MYOM2: variants seen among roughly 807,000 people sequenced by gnomAD.
The protein encoded by MYOM2 is myomesin-2.
Under a neutral mutation model 187.6 loss-of-function variants are expected in MYOM2, and 254 were observed. The observed-to-expected ratio is 1.35, with a 90% CI of 1.22 to 1.50. The LOEUF (loss-of-function observed/expected upper bound fraction) is 1.50, where lower values mean the gene tolerates loss of function less well. MYOM2 is among the 40% of genes most tolerant of loss of function. MYOM2 has a pLI of 0.00. For missense variants in MYOM2, 2,796 were observed against 1,924.0 expected, an observed-to-expected ratio of 1.45 and a Z score of -8.48; for synonymous variants, 981 against 753.8, an observed-to-expected ratio of 1.30 and a Z score of -4.94.
At chr8:2,098,715 C>T in intron 18 of MYOM2, 142 bp from the exon 19 acceptor site, 1 of 914,868 alleles carries the variant, frequency 1.1e-6, no homozygotes, top group Non-Finnish European at 1.6e-6. Flanking sequence ...CGAGGTCCTT[C>T]CTGAAATATT....
At chr8:2,120,689 A>ATTATAT in intron 28 of MYOM2, among the ~76,000 whole-genome samples, 2 of 42,416 alleles carry the variant, frequency 4.7e-5, no homozygotes, top group Non-Finnish European at 4.7e-5. Flanking sequence ...ATTATATATA[A>ATTATAT]ATATATAATA....
chr8:2,047,570 G>T (rs930067865), intron 1 of MYOM2, among the ~76,000 whole-genome samples: 2 of 152,198 alleles, frequency 1.3e-5, no homozygotes, highest in Admixed American at 1.3e-4. Context: ...GGCTTGGCTG[G>T]CACGTTGCAA....
chr8:2,120,612 T>G (rs984421471), intron 28 of MYOM2, among the ~76,000 whole-genome samples: 66 of 113,178 alleles, frequency 5.8e-4, no homozygotes, highest in African/African-American at 2.0e-3. Context: ...GTCTTACTAT[T>G]CTGACCATCC....
chr8:2,123,386 C>CCAG, intron 29 of MYOM2, 21 bp downstream of exon 29: 1 of 1,321,498 alleles, frequency 7.6e-7, no homozygotes, highest in Non-Finnish European at 1.0e-6. Context: ...TTGAGTAACA[C>CCAG]AAGAAAGCAA....
intron 25 of MYOM2, among the ~76,000 whole-genome samples, chr8:2,110,166 T>C (rs540495069): frequency 6.6e-6 from 1 of 152,190 alleles, no homozygotes; most frequent in Non-Finnish European, 1.5e-5. Flanking sequence ...CTACAAAAAC[T>C]TAAGAAATTA....
chr8:2,092,598 A>T, intron 16 of MYOM2, 78 bp downstream of exon 16: 1 of 1,455,812 alleles, frequency 6.9e-7, no homozygotes, highest in South Asian at 1.3e-5. Context: ...GCCCTGGCAC[A>T]GGGAGTACCA....
Position 2,069,275 on chromosome 8 carries a change from A to G in MYOM2, c.654-3A>G. On this transcript the variant is annotated splice_region_variant and splice_polypyrimidine_tract_variant and intron_variant, in intron 6 of 36. Transcript: ENST00000262113. Reference sequence around the variant, plus strand: ...GACTTTCTCTTGTTTTTTTCTCTCCAAGGGCAGACTTTGACGACACTGCGA... The same window carrying G: ...GACTTTCTCTTGTTTTTTTCTCTCCGAGGGCAGACTTTGACGACACTGCGA... The G allele has an allele frequency of 6.2e-7, 1 of 1,608,986 alleles. No individual in the cohort carries two copies. Among genetic ancestry groups the G allele is most frequent in the Non-Finnish European group, 8.5e-7 (1 of 1,177,126 alleles).
At chr8:2,120,482 T>C (rs1177143786) in intron 28 of MYOM2, among the ~76,000 whole-genome samples, 1 of 149,202 alleles carries the variant, frequency 6.7e-6, no homozygotes, top group Non-Finnish European at 1.5e-5. Flanking sequence ...CACTCGGGAG[T>C]GGACCCGGGC....
Position 2,069,345 on chromosome 8 carries a change from A to T in MYOM2, c.721A>T (p.Asn241Tyr). 6.2e-7 allele frequency: 1 copy of T among 1,613,992 alleles called. No homozygotes were observed. The highest frequency in any genetic ancestry group is 8.5e-7 in the Non-Finnish European group (1 of 1,179,936). ...ATNAHGQVST[N>Y]AAVVVRRFRG... is the part of the protein sequence containing the mutation. ...CAATGCCCACGGACAAGTGTCCACC[A>T]ACGCGGCGGTGGTGGTGAGAAGTGA... Residue 241 changes from asparagine (N) to tyrosine (Y), a missense_variant, in exon 7 of 37, where the codon AAC becomes TAC. Asn to Tyr is a moderately radical substitution (Grantham distance 143, BLOSUM62 -2). Coordinates refer to ENST00000262113, the MANE Select transcript of MYOM2 (RefSeq NM_003970.4).
chr8:2,058,784 C>A (rs769784450), intron 5 of MYOM2, among the ~76,000 whole-genome samples: 2 of 152,130 alleles, frequency 1.3e-5, no homozygotes, highest in Non-Finnish European at 2.9e-5. Flanking sequence ...AGGGTCAGTG[C>A]GTTAGGTCCC....
chr8:2,083,082 A>T (rs1446106584), intron 13 of MYOM2, among the ~76,000 whole-genome samples: 3 of 152,254 alleles, frequency 2.0e-5, no homozygotes. Flanking sequence ...ACATGAACAG[A>T]ACCCAAAATA....
chr8:2,071,755 C>G (rs1819229298), intron 8 of MYOM2, among the ~76,000 whole-genome samples: 1 of 152,344 alleles, frequency 6.6e-6, no homozygotes. Context: ...CTTATCCTCT[C>G]TGTTCTGGAG....
chr8:2,046,868 G>C (rs904867432), intron 1 of MYOM2, among the ~76,000 whole-genome samples: 14 of 151,434 alleles, frequency 9.2e-5, no homozygotes. Context: ...GGAGCTGATC[G>C]GCCCAGGTCC....
intron 28 of MYOM2, among the ~76,000 whole-genome samples, chr8:2,120,084 T>G (rs1797374946): frequency 6.6e-6 from 1 of 152,076 alleles, no homozygotes; most frequent in Admixed American, 6.5e-5. Context: ...GAAATCATTG[T>G]TGAGTGCATC....
At chr8:2,066,192 T>G (rs1819013997) in intron 6 of MYOM2, among the ~76,000 whole-genome samples, 1 of 152,126 alleles carries the variant, frequency 6.6e-6, no homozygotes. Context: ...TCCAGCAGGG[T>G]CACGTGCAGC....
rs749573817 is a variant in MYOM2, at chr8:2,096,390, T to G, written c.2269T>G (p.Trp757Gly). Residue 757 changes from tryptophan to glycine, a missense_variant, in exon 18 of 37, where the codon TGG (tryptophan) becomes GGG (glycine). Transcript: ENST00000262113. Reference sequence around the variant, plus strand: ...CAAGCGTGAAGTTCACCATAAAAACTGGCACGAGGTCAATTCCTCACCCAG... The same window carrying G: ...CAAGCGTGAAGTTCACCATAAAAACGGGCACGAGGTCAATTCCTCACCCAG... ...LDKREVHHKN[W>G]HEVNSSPSKP... 3.1e-6 allele frequency: 5 copies of G among 1,614,226 alleles called. No homozygotes were observed. The South Asian group carries it at 5.5e-5, about 18-fold the overall frequency.
chr8:2,144,806 T>C lies in MYOM2; in HGVS notation c.4223T>C (p.Val1408Ala), dbSNP rs750910050. The stretch of plus-strand genomic sequence containing the variant: ...TACGTCAGCATGACCATCAAAGGCG[T>C]GACCTCCGAGGACTCGGGCAAGTAC... ...AKYVSMTIKG[V>A]TSEDSGKYSI... The change falls in exon 37 of 37, where the codon GTG (valine) becomes GCG (alanine). Residue 1408 changes from valine (V) to alanine (A), a missense_variant. Val to Ala is a moderately conservative substitution (Grantham distance 64). Transcript: ENST00000262113. 6.2e-7 allele frequency: 1 copy of C among 1,614,148 alleles called. No homozygotes were observed. The highest frequency in any genetic ancestry group is 1.1e-5 in the South Asian group (1 of 91,074).
At chr8:2,070,951 T>C (rs1050140374) in intron 8 of MYOM2, among the ~76,000 whole-genome samples, 2 of 152,002 alleles carry the variant, frequency 1.3e-5, no homozygotes, top group South Asian at 4.1e-4. Flanking sequence ...CAGTGGCTTT[T>C]TAAATTTTTT....
At chr8:2,077,080 C>A (rs974464504) in intron 11 of MYOM2, among the ~76,000 whole-genome samples, 2 of 152,106 alleles carry the variant, frequency 1.3e-5, no homozygotes, top group South Asian at 2.1e-4. Flanking sequence ...GGGAGGCCAA[C>A]GCGGGCGGAT....
Sources: allele counts gnomAD v4.1 joint callset (sites outside exome capture counted in the v4.1 genomes callset), GRCh38; gene constraint gnomAD v4.1.1; transcripts MANE v1.5; gene names NCBI Gene and HGNC (gene_info 2026-07-23, HGNC 2026-07-21).